The following KLF12 variants were observed in gnomAD, a reference collection of about 807,000 sequenced individuals.
KLF12 encodes Krueppel-like factor 12.
KLF12 carries 9 observed loss-of-function variants against 37.8 expected under a neutral mutation model. That is an observed-to-expected ratio of 0.24 (90% CI 0.14 to 0.42). The LOEUF (loss-of-function observed/expected upper bound fraction) is 0.42, where lower values mean the gene tolerates loss of function less well. Ranked by LOEUF, KLF12 falls within the 10% of genes least tolerant of loss-of-function variation. The probability of loss-of-function intolerance (pLI) is 1.00; values close to 1 mark genes in which losing one functional copy is unlikely to be tolerated. For synonymous variants in KLF12, 208 were observed against 202.1 expected (o/e 1.03, Z -0.25); for missense variants, 411 against 516.0 (o/e 0.80, Z 1.97).
At chr13:73,927,900 C>T (rs1191080101) in intron 3 of KLF12, among the ~76,000 whole-genome samples, 1 of 143,364 alleles carries the variant, frequency 7.0e-6, no homozygotes, top group Non-Finnish European at 1.5e-5. Flanking sequence ...ACTCTGTCAC[C>T]AGGCTGGAGT....
chr13:74,017,565 C>CA (rs1251416715), intron 1 of KLF12, among the ~76,000 whole-genome samples: 2 of 143,890 alleles, frequency 1.4e-5, no homozygotes, highest in Non-Finnish European at 1.5e-5. Context: ...CTGTCCCCCC[C>CA]ACCCCCCAAA....
upstream of KLF12, among the ~76,000 whole-genome samples, chr13:74,136,264 T>C (rs2139052373): frequency 6.6e-6 from 1 of 152,282 alleles, no homozygotes; most frequent in South Asian, 2.1e-4. Flanking sequence ...GTGCGGTCTC[T>C]GTTCCGGGGA....
At chr13:74,215,427 C>CTTTTTTTTTTT in the KLF12 span, among the ~76,000 whole-genome samples, 1 of 60,380 alleles carries the variant, frequency 1.7e-5, no homozygotes, top group African/African-American at 5.8e-5. Context: ...CCTCTGGGTT[C>CTTTTTTTTTTT]TTTTTTTTTT....
chr13:74,202,784 C>T, the KLF12 span, among the ~76,000 whole-genome samples: 9 of 152,100 alleles, frequency 5.9e-5, no homozygotes, highest in Non-Finnish European at 7.4e-5. Flanking sequence ...GTTAGGCAAC[C>T]TCAGTAATCA....
At chr13:73,953,954 GTTTTGTTTTTTCTTTCTTTTTTTTTT>G (rs1431517866) in intron 2 of KLF12, among the ~76,000 whole-genome samples, 27 of 144,848 alleles carry the variant, frequency 1.9e-4, no homozygotes, top group African/African-American at 6.9e-4. Context: ...AAGTAATTAG[GTTTTGTTTTTTCTTTCTTTTTTTTTT>G]TTTTTTTTTT....
At chr13:74,003,114 T>C (rs1349676132) in intron 1 of KLF12, among the ~76,000 whole-genome samples, 5 of 152,208 alleles carry the variant, frequency 3.3e-5, no homozygotes, top group Admixed American at 3.3e-4. Context: ...GTGATTAAAG[T>C]TAACATTCTG....
Position 73,959,285 on chromosome 13 carries a change from C to T in KLF12, c.34-15215G>A, listed in dbSNP as rs182972944. ...ACCACAATTCTTGGCCAGTCACAGCCGGCCTTTTCTCTCTATTCCAATTGT... is the reference window on the plus strand; with the variant it reads ...ACCACAATTCTTGGCCAGTCACAGCTGGCCTTTTCTCTCTATTCCAATTGT... On this transcript the variant is annotated intron_variant, in intron 2 of 7. Transcript: ENST00000377669. Among the ~76,000 whole-genome samples the T allele has an allele frequency of 2.0e-3, 297 of 152,174 alleles. 1 individual carries two copies. In the Middle Eastern group the frequency reaches 0.02, roughly 10 times the overall value.
chr13:74,003,097 A>C (rs1892322705), intron 1 of KLF12, among the ~76,000 whole-genome samples: 1 of 152,232 alleles, frequency 6.6e-6, no homozygotes, highest in Admixed American at 6.5e-5. Context: ...TTTTATAATG[A>C]AAGTAAGTGA....
At chr13:73,700,311 T>A (rs998234321) in intron 7 of KLF12, among the ~76,000 whole-genome samples, 15 of 150,782 alleles carry the variant, frequency 9.9e-5, no homozygotes, top group African/African-American at 2.4e-4. Flanking sequence ...AAAGAAAAAA[T>A]AATAATAAAA....
rs528206668 is a variant in KLF12 at position 74,087,673 on chromosome 13, C to T, written c.-32+46066G>A. ...TGTGTCAGCTTCTAGCCATATGATT[C>T]CAAGCATGTCACTTAAAAGTTCCTG... On this transcript the variant is annotated intron_variant, in intron 1 of 7. Coordinates refer to ENST00000377669, the MANE Select transcript of KLF12 (RefSeq NM_007249.5). Among the ~76,000 whole-genome samples the T allele has an allele frequency of 5.3e-5, 8 of 152,252 alleles. No homozygotes were observed. In the East Asian group the frequency reaches 1.3e-3, roughly 26 times the overall value.
intron 1 of KLF12, among the ~76,000 whole-genome samples, chr13:74,024,843 G>T (rs541932001): frequency 8.5e-5 from 13 of 152,142 alleles, no homozygotes; most frequent in Non-Finnish European, 1.3e-4. Flanking sequence ...ACTTATTTCA[G>T]CTTTAATATA....
At chr13:73,723,439 A>G (rs567702982) in intron 6 of KLF12, among the ~76,000 whole-genome samples, 143 of 152,302 alleles carry the variant, frequency 9.4e-4, no homozygotes, top group African/African-American at 3.2e-3. Flanking sequence ...TCTTCAGAAA[A>G]TACCGGGGTT....
At chr13:74,025,363 C>G (rs140213337) in intron 1 of KLF12, among the ~76,000 whole-genome samples, 1,616 of 151,382 alleles carry the variant, frequency 0.011, 86 homozygotes, top group Admixed American at 0.085. Flanking sequence ...TGCCTTTATG[C>G]AAATGTCATT....
At chr13:74,082,070 G>A (rs1428429559) in intron 1 of KLF12, among the ~76,000 whole-genome samples, 2 of 150,088 alleles carry the variant, frequency 1.3e-5, no homozygotes, top group Admixed American at 6.7e-5. Flanking sequence ...GCTCACACCT[G>A]TAATCCCAGC....
intron 1 of KLF12, among the ~76,000 whole-genome samples, chr13:74,117,068 CTATT>C (rs1288017801): frequency 2.6e-5 from 4 of 152,148 alleles, no homozygotes; most frequent in African/African-American, 7.2e-5. Context: ...GGTATTTCCT[CTATT>C]TATCAGTTTA....
At chr13:73,739,025 A>G (rs1048361285) in intron 6 of KLF12, among the ~76,000 whole-genome samples, 1 of 152,154 alleles carries the variant, frequency 6.6e-6, no homozygotes, top group Non-Finnish European at 1.5e-5. Flanking sequence ...ACTTGAAGTC[A>G]GCAGTTTAAG....
the KLF12 span, among the ~76,000 whole-genome samples, chr13:74,194,896 A>C: frequency 2.1e-4 from 32 of 152,318 alleles, no homozygotes; most frequent in East Asian, 6.2e-3. Flanking sequence ...TGTATCTATA[A>C]ATCTGTTCAA....
the KLF12 span, among the ~76,000 whole-genome samples, chr13:74,169,237 T>C: frequency 6.6e-6 from 1 of 152,218 alleles, no homozygotes; most frequent in Non-Finnish European, 1.5e-5. Flanking sequence ...CAATTTATGA[T>C]GTTATTTGTG....
At chr13:74,228,665 G>A in the KLF12 span, among the ~76,000 whole-genome samples, 1 of 151,942 alleles carries the variant, frequency 6.6e-6, no homozygotes, top group Admixed American at 6.6e-5. Context: ...TTCAAAACTT[G>A]GATGTATATT....
Sources: allele counts gnomAD v4.1 joint callset (sites outside exome capture counted in the v4.1 genomes callset), GRCh38; gene constraint gnomAD v4.1.1; transcripts MANE v1.5; gene names NCBI Gene and HGNC (gene_info 2026-07-23, HGNC 2026-07-21).